Variants in TEX54 observed in about 807,000 individuals in gnomAD.
TEX54 encodes the protein testis expressed 54, also known as testis-expressed protein 54.
For missense variants in TEX54, 58 were observed against 19.6 expected, an observed-to-expected ratio of 2.96 and a Z score of -3.70; for synonymous variants, 17 against 7.0, an observed-to-expected ratio of 2.42 and a Z score of -2.24.
chr11:62,832,816 G>T, upstream of TEX54: 1 of 1,130,836 alleles, frequency 8.8e-7, no homozygotes, highest in Non-Finnish European at 1.2e-6. Context: ...CCCGGCTTTT[G>T]TGACATCAGA....
At chr11:62,832,630 T>C in exon 1 of TEX54, 1 of 449,050 alleles carries the variant, frequency 2.2e-6, no homozygotes. Flanking sequence ...GGAAGCCCCC[T>C]CTCACACTCC....
exon 1 of TEX54, chr11:62,832,372 G>A (rs1301219368): frequency 3.9e-6 from 2 of 509,360 alleles, no homozygotes; most frequent in African/African-American, 2.0e-5. Flanking sequence ...GAGCAGGTCT[G>A]GGGTCATCCC....
chr11:62,832,718 C>T (rs1194209816), exon 1 of TEX54: 1 of 549,792 alleles, frequency 1.8e-6, no homozygotes, highest in African/African-American at 1.9e-5. Context: ...GCTCATCAGA[C>T]ATCTCAAAGT....
At chr11:62,832,403 G>T (rs994566605) in exon 1 of TEX54, 5 of 471,316 alleles carry the variant, frequency 1.1e-5, no homozygotes, top group Non-Finnish European at 1.9e-5. Flanking sequence ...CCTCCTGGTT[G>T]CCTTCTCGGA....
chr11:62,832,627 C>T (rs901125992), exon 1 of TEX54: 2 of 447,978 alleles, frequency 4.5e-6, no homozygotes, highest in Non-Finnish European at 7.8e-6. Context: ...TCGGGAAGCC[C>T]CCTCTCACAC....
At chr11:62,832,817 T>C, upstream of TEX54, 1 of 1,136,272 alleles carries the variant, frequency 8.8e-7, no homozygotes, top group South Asian at 1.8e-5. Flanking sequence ...CCGGCTTTTG[T>C]GACATCAGAT....
exon 1 of TEX54, chr11:62,832,334 T>G (rs1336604578): frequency 1.6e-5 from 9 of 572,206 alleles, no homozygotes; most frequent in South Asian, 8.7e-5. Context: ...GTTAGAAATT[T>G]TATTCTCTGG....
At chr11:62,832,498 G>T in exon 1 of TEX54, 1 of 442,404 alleles carries the variant, frequency 2.3e-6, no homozygotes, top group South Asian at 5.7e-5. Flanking sequence ...GATAGTCGCC[G>T]CCACAGCACG....
At position 62,832,602 on chromosome 11, in the gene TEX54, A is replaced by C. The variant is rs531457032; in HGVS notation, c.149T>G (p.Leu50Arg). 320 of 441,578 alleles carry C rather than the reference A, an allele frequency of 7.2e-4. 5 individuals carry two copies. The South Asian group carries it at 0.016, about 21-fold the overall frequency. 27.4% of individuals were successfully genotyped at this position (441,578 alleles called of 1,614,324 possible). Residue 50 changes from leucine to arginine, a missense_variant, in exon 1 of 1, where the codon CTC becomes CGC. Leu to Arg is a moderately radical substitution (Grantham distance 102). Coordinates refer to ENST00000636508, the Ensembl canonical transcript of TEX54. Reference sequence around the variant, plus strand: ...GCCTGAGGGGACGACGAGGCCTCTGAGCTCACCCCTACCCTCGGGAAGCCC... The same window carrying C: ...GCCTGAGGGGACGACGAGGCCTCTGCGCTCACCCCTACCCTCGGGAAGCCC...
exon 1 of TEX54, chr11:62,832,536 T>C (rs980164420): frequency 2.8e-5 from 12 of 433,208 alleles, no homozygotes; most frequent in Non-Finnish European, 4.9e-5. Context: ...GTTCGACTTG[T>C]GATTCGGATG....
chr11:62,832,757 G>A, exon 1 of TEX54: 1 of 603,150 alleles, frequency 1.7e-6, no homozygotes, highest in Non-Finnish European at 2.8e-6. Flanking sequence ...CCATGGCCCC[G>A]CGTGGCCCTG....
At chr11:62,832,639 C>T (rs897521477) in exon 1 of TEX54, 2 of 465,692 alleles carry the variant, frequency 4.3e-6, no homozygotes, top group African/African-American at 4.1e-5. Context: ...CTCTCACACT[C>T]CCTGGGCCCT....
chr11:62,832,406 T>G (rs2084884341), exon 1 of TEX54: 1 of 477,106 alleles, frequency 2.1e-6, no homozygotes, highest in Non-Finnish European at 3.7e-6. Flanking sequence ...CCTGGTTGCC[T>G]TCTCGGATCG....
exon 1 of TEX54, chr11:62,832,434 A>G: frequency 2.2e-6 from 1 of 464,284 alleles, no homozygotes; most frequent in Admixed American, 3.9e-5. Flanking sequence ...CTGCTTCCGA[A>G]TCTGGTCTGG....
At chr11:62,832,586 G>T in exon 1 of TEX54, 1 of 436,320 alleles carries the variant, frequency 2.3e-6, no homozygotes, top group Non-Finnish European at 4.0e-6. Context: ...CGCCTGAGGG[G>T]ACGACGAGGC....
exon 1 of TEX54, chr11:62,832,336 A>C (rs2084883663): frequency 5.3e-6 from 3 of 570,210 alleles, no homozygotes; most frequent in African/African-American, 3.8e-5. Flanking sequence ...TAGAAATTTT[A>C]TTCTCTGGAG....
chr11:62,832,839 C>T (rs1414716133), upstream of TEX54: 12 of 1,273,826 alleles, frequency 9.4e-6, no homozygotes, highest in African/African-American at 6.1e-5. Flanking sequence ...TCCCGTCGCC[C>T]CAGCTCAGGC....
At chr11:62,832,730 C>T in exon 1 of TEX54, 1 of 564,618 alleles carries the variant, frequency 1.8e-6, no homozygotes, top group Non-Finnish European at 3.1e-6. Flanking sequence ...TCTCAAAGTC[C>T]TTGTCTTGGC....
exon 1 of TEX54, chr11:62,832,747 CCATGGCCCCG>C (rs1477336297): frequency 5.1e-6 from 3 of 587,008 alleles, no homozygotes; most frequent in Admixed American, 6.6e-5. Context: ...TGGCAGCAGC[CCATGGCCCCG>C]CGTGGCCCTG....
Sources: gnomAD v4.1 joint callset for allele counts on GRCh38, gnomAD v4.1.1 for gene constraint, MANE v1.5 for transcripts, NCBI Gene and HGNC (gene_info 2026-07-23, HGNC 2026-07-21) for gene names.